The following COL9A1 variants were observed in gnomAD, a reference collection of about 807,000 sequenced individuals.
The protein encoded by COL9A1 is collagen type IX alpha 1 chain.
Under a neutral mutation model 142.6 loss-of-function variants are expected in COL9A1, and 104 were observed. The ratio of observed to expected loss-of-function variants is 0.73; its 90% CI spans 0.62 to 0.86. The LOEUF is 0.86. COL9A1 is among the 40% of genes least tolerant of loss of function. The probability of loss-of-function intolerance (pLI) is 0.00; values close to 1 mark genes in which losing one functional copy is unlikely to be tolerated. For synonymous variants in COL9A1, 466 were observed against 396.0 expected, an observed-to-expected ratio of 1.18 and a Z score of -2.10; for missense variants, 1,210 against 1,176.6, an observed-to-expected ratio of 1.03 and a Z score of -0.42.
At position 70,243,006 on chromosome 6, in the gene COL9A1, A is replaced by G. The variant is rs1770364228; in HGVS notation, c.1873-291T>C. ...ACTTTTATTATGGTTATTTGTGTCC[A>G]TGTTTTAAGCCCTCACTTAGATTAT... is the stretch of plus-strand genomic sequence containing the variant. On this transcript the variant is annotated intron_variant, in intron 28 of 37. Coordinates refer to ENST00000357250, the MANE Select transcript of COL9A1 (RefSeq NM_001851.6). Among the ~76,000 whole-genome samples the G allele has an allele frequency of 2.6e-5, 4 of 152,234 alleles. No homozygotes were observed. In the South Asian group the frequency reaches 8.3e-4, roughly 31 times the overall value.
rs536448622 is a variant in COL9A1, at chr6:70,294,862, A to T, written c.300-299T>A. Reference sequence around the variant, plus strand: ...ATATTACTATTTATACTACCCAAAGAGCTACTGTTCAGCAATTTCATCTCA... The same window carrying T: ...ATATTACTATTTATACTACCCAAAGTGCTACTGTTCAGCAATTTCATCTCA... On this transcript the variant is annotated intron_variant, in intron 4 of 37. Transcript: ENST00000357250. Among the ~76,000 whole-genome samples, 30 of 152,272 alleles carry T rather than the reference A, an allele frequency of 2.0e-4. No individual in the cohort carries two copies. In the South Asian group the frequency reaches 6.0e-3, roughly 31 times the overall value.
At chr6:70,252,390 G>T (rs929041803) in intron 26 of COL9A1, 75 bp from the exon 27 acceptor site, 1 of 1,312,384 alleles carries the variant, frequency 7.6e-7, no homozygotes, top group Non-Finnish European at 1.1e-6. Flanking sequence ...TACCCAGACT[G>T]GGATCTCTTA....
In COL9A1 at chr6:70,302,444, G is replaced by A. The variant is rs13198704; in HGVS notation, c.15-370C>T. ...AGTCTGGTCTTGAACTCCTGACCTCGTGATTCGCCCGCCTCGGCCTCCCAA... is the reference window on the plus strand; with the variant it reads ...AGTCTGGTCTTGAACTCCTGACCTCATGATTCGCCCGCCTCGGCCTCCCAA... On this transcript the variant is annotated intron_variant, in intron 1 of 37. Coordinates refer to ENST00000357250, the MANE Select transcript of COL9A1 (RefSeq NM_001851.6). 3.7e-3 allele frequency among the ~76,000 whole-genome samples: 568 copies of A among 151,928 alleles called. 2 individuals carry two copies. Among genetic ancestry groups the A allele is most frequent in the Non-Finnish European group, 6.1e-3 (417 of 67,944 alleles).
intron 31 of COL9A1, 89 bp from the exon 32 acceptor site, chr6:70,240,822 G>T: frequency 1.0e-6 from 1 of 987,018 alleles, no homozygotes; most frequent in African/African-American, 1.6e-5. Flanking sequence ...ATTCATAAGT[G>T]CCCACAGTGT....
intron 12 of COL9A1, 27 bp from the exon 13 acceptor site, chr6:70,272,115 T>C (rs970253887): frequency 6.3e-7 from 1 of 1,599,228 alleles, no homozygotes. Context: ...AAAATGGTTA[T>C]AGCTTGAGGT....
Position 70,300,065 on chromosome 6 carries a change from C to A in COL9A1, c.277G>T (p.Val93Leu). The change falls in exon 4 of 38, where the codon GTA becomes TTA. Residue 93 changes from valine (V) to leucine (L), a missense_variant. Coordinates refer to ENST00000357250, the MANE Select transcript of COL9A1 (RefSeq NM_001851.6). ...TACCTAGTTGGAATCCTGAAGTCTA[C>A]ATTATTTCCCAACTTGTAAGCCACC... is the stretch of plus-strand genomic sequence containing the variant. Reference protein sequence around the residue: ...LQVAYKLGNNVDFRIPTRNLY... With the variant: ...LQVAYKLGNNLDFRIPTRNLY... 1 of 1,613,834 alleles carries A rather than the reference C, an allele frequency of 6.2e-7. No individual in the cohort carries two copies. Among genetic ancestry groups the A allele is most frequent in the East Asian group, 2.2e-5 (1 of 44,848 alleles).
chr6:70,272,002 G>C (rs1431355403), intron 13 of COL9A1, 63 bp downstream of exon 13: 4 of 1,494,066 alleles, frequency 2.7e-6, no homozygotes, highest in Non-Finnish European at 3.7e-6. Flanking sequence ...GAATAAGGTG[G>C]GGATTTGAGA....
intron 33 of COL9A1, among the ~76,000 whole-genome samples, chr6:70,237,805 C>T (rs1770008090): frequency 6.6e-6 from 1 of 152,162 alleles, no homozygotes; most frequent in Non-Finnish European, 1.5e-5. Flanking sequence ...TAAGTTAATA[C>T]GATGTAATAA....
chr6:70,240,545 A>C (rs1458459131), intron 32 of COL9A1, 144 bp downstream of exon 32: 2 of 413,088 alleles, frequency 4.8e-6, no homozygotes, highest in Non-Finnish European at 8.6e-6. Flanking sequence ...CCTTTAAAGA[A>C]GGCAGTGAGG....
chr6:70,237,918 T>G (rs944196994), intron 33 of COL9A1, among the ~76,000 whole-genome samples: 9 of 152,102 alleles, frequency 5.9e-5, no homozygotes, highest in Non-Finnish European at 1.0e-4. Flanking sequence ...TCGAAATGCT[T>G]AAGTAGGAAG....
chr6:70,283,207 G>C (rs1773285866), intron 6 of COL9A1: 4 of 1,465,456 alleles, frequency 2.7e-6, no homozygotes, highest in African/African-American at 1.4e-5. Context: ...CGGGAGGCGC[G>C]CGTTCCCCCT....
Position 70,281,027 on chromosome 6 carries a change from G to A in COL9A1, c.889C>T (p.Pro297Ser). Residue 297 changes from proline (P) to serine (S), a missense_variant, in exon 9 of 38, where the codon CCT (proline) becomes TCT (serine). By Grantham distance (74) the Pro-to-Ser change is moderately conservative (BLOSUM62 -1). Transcript: ENST00000357250. ...ACCGGGGGGCCCGGGGGGCCCTTAG[G>A]ACCTCGGTCACCCTGGAGGGGTAGG... Reference protein sequence around the residue: ...GIDGIDGDRGPKGPPGPPGPA... With the variant: ...GIDGIDGDRGSKGPPGPPGPA... 6.2e-7 allele frequency: 1 copy of A among 1,612,838 alleles called. No homozygotes were observed. Among genetic ancestry groups the A allele is most frequent in the Non-Finnish European group, 8.5e-7 (1 of 1,179,634 alleles).
At chr6:70,280,584 G>A in intron 10 of COL9A1, 2 of 1,371,992 alleles carry the variant, frequency 1.5e-6, no homozygotes, top group South Asian at 1.5e-5. Flanking sequence ...TTTCTAGGAG[G>A]AGGAAATGCC....
chr6:70,259,142 AC>A (rs1241315769), intron 20 of COL9A1, among the ~76,000 whole-genome samples: 4 of 152,220 alleles, frequency 2.6e-5, no homozygotes, highest in Non-Finnish European at 4.4e-5. Flanking sequence ...TGGAAAAAAA[AC>A]ATTAAATTGA....
intron 37 of COL9A1, among the ~76,000 whole-genome samples, chr6:70,224,775 T>C (rs960264889): frequency 1.3e-5 from 2 of 152,204 alleles, no homozygotes; most frequent in Non-Finnish European, 2.9e-5. Flanking sequence ...TTTCCTTTCA[T>C]TACTAATCAT....
intron 9 of COL9A1, 53 bp downstream of exon 9, chr6:70,280,951 C>T: frequency 6.2e-7 from 1 of 1,613,184 alleles, no homozygotes; most frequent in East Asian, 2.2e-5. Flanking sequence ...CAGGGGGCTG[C>T]AAAACACGTC....
intron 37 of COL9A1, among the ~76,000 whole-genome samples, chr6:70,219,370 A>G (rs1768729041): frequency 6.6e-6 from 1 of 152,190 alleles, no homozygotes; most frequent in Non-Finnish European, 1.5e-5. Flanking sequence ...TTGTTTTTGT[A>G]GTTTTATTAG....
rs1416912818 is a variant in COL9A1 at position 70,216,496 on chromosome 6, C to A, written c.*401G>T. 4.4e-6 allele frequency: 1 copy of A among 226,240 alleles called. No homozygotes were observed. Among genetic ancestry groups the A allele is most frequent in the Admixed American group, 5.2e-5 (1 of 19,198 alleles). The allele number at this position is 226,240 out of a possible 1,614,324, so 14.0% of individuals were successfully genotyped here. On this transcript the variant is annotated 3_prime_UTR_variant, in exon 38 of 38. Transcript: ENST00000357250. Reference sequence around the variant, plus strand: ...AACTGAAACAATAATCTGAGAACAACTTCTAAATGAAAATAACTACTGCAA... The same window carrying A: ...AACTGAAACAATAATCTGAGAACAAATTCTAAATGAAAATAACTACTGCAA...
At chr6:70,241,163 G>T (rs1363080060) in intron 31 of COL9A1, among the ~76,000 whole-genome samples, 1 of 152,158 alleles carries the variant, frequency 6.6e-6, no homozygotes, top group Non-Finnish European at 1.5e-5. Context: ...CCGTGAACCA[G>T]AGACAGAGCC....
Sources: gnomAD v4.1 joint callset for allele counts (sites outside exome capture counted in the v4.1 genomes callset) on GRCh38, gnomAD v4.1.1 for gene constraint, MANE v1.5 for transcripts, NCBI Gene and HGNC (gene_info 2026-07-23, HGNC 2026-07-21) for gene names.